The following MSRA variants were observed in gnomAD, a reference collection of about 807,000 sequenced individuals.
MSRA encodes the protein mitochondrial peptide methionine sulfoxide reductase.
In MSRA, 54 loss-of-function variants were observed where a neutral mutation model predicts 31.3. The observed-to-expected ratio is 1.73, with a 90% CI of 1.39 to 2.17. The LOEUF (loss-of-function observed/expected upper bound fraction) is 2.17, where lower values mean the gene tolerates loss of function less well. Among genes scored for constraint, MSRA ranks in the 30% most tolerant of loss-of-function variants. The pLI is 0.00. For synonymous variants in MSRA, 169 were observed against 116.5 expected (o/e 1.45, Z -2.90); for missense variants, 507 against 300.9 (o/e 1.69, Z -5.07).
At chr8:10,145,824 G>A (rs539670105) in intron 1 of MSRA, among the ~76,000 whole-genome samples, 28 of 152,088 alleles carry the variant, frequency 1.8e-4, no homozygotes, top group Middle Eastern at 3.4e-3. Context: ...ACCCGCATCT[G>A]CACGTGTGTG....
chr8:10,281,366 G>T (rs1437913429), intron 3 of MSRA, among the ~76,000 whole-genome samples: 1 of 152,158 alleles, frequency 6.6e-6, no homozygotes, highest in South Asian at 2.1e-4. Context: ...TTATCAAAAA[G>T]GATTGATTTA....
At chr8:10,391,678 C>A (rs1177920839) in intron 5 of MSRA, among the ~76,000 whole-genome samples, 5 of 152,120 alleles carry the variant, frequency 3.3e-5, no homozygotes, top group Admixed American at 3.3e-4. Flanking sequence ...GGCTAGGAGT[C>A]GGTTCTTCTA....
At chr8:10,313,832 A>C (rs1801570096) in intron 4 of MSRA, among the ~76,000 whole-genome samples, 1 of 152,278 alleles carries the variant, frequency 6.6e-6, no homozygotes, top group Non-Finnish European at 1.5e-5. Flanking sequence ...ATGTAGGGAC[A>C]AATGAATAGA....
At chr8:10,404,239 A>G (rs1807651404) in intron 5 of MSRA, among the ~76,000 whole-genome samples, 1 of 152,018 alleles carries the variant, frequency 6.6e-6, no homozygotes, top group Non-Finnish European at 1.5e-5. Flanking sequence ...CACAAATAGC[A>G]AGGCAGGGAC....
chr8:10,371,092 A>T (rs770762434), intron 5 of MSRA, among the ~76,000 whole-genome samples: 36 of 152,194 alleles, frequency 2.4e-4, no homozygotes, highest in Non-Finnish European at 4.9e-4. Flanking sequence ...CCCCTGCCGC[A>T]ATCCCGATGA....
intron 1 of MSRA, among the ~76,000 whole-genome samples, chr8:10,118,535 C>G (rs528215902): frequency 2.7e-4 from 41 of 152,234 alleles, no homozygotes; most frequent in African/African-American, 9.6e-4. Context: ...AGAGTCCAAA[C>G]TCGAGCCTAG....
chr8:10,177,054 C>G (rs1806112531), intron 1 of MSRA, among the ~76,000 whole-genome samples: 1 of 152,318 alleles, frequency 6.6e-6, no homozygotes, highest in South Asian at 2.1e-4. Flanking sequence ...AGAAATGGTT[C>G]TCAAGACTTG....
At chr8:10,258,861 C>T (rs994722515) in intron 3 of MSRA, among the ~76,000 whole-genome samples, 3 of 152,172 alleles carry the variant, frequency 2.0e-5, no homozygotes, top group African/African-American at 7.2e-5. Context: ...AATCCCAGCA[C>T]TTTGGGAGGC....
intron 5 of MSRA, among the ~76,000 whole-genome samples, chr8:10,391,739 G>A (rs979130031): frequency 2.0e-5 from 3 of 152,200 alleles, no homozygotes; most frequent in Admixed American, 6.5e-5. Flanking sequence ...CTGCCCTGCC[G>A]TAGGGTCCAA....
intron 1 of MSRA, among the ~76,000 whole-genome samples, chr8:10,190,912 G>T (rs905748474): frequency 4.2e-4 from 64 of 151,912 alleles, no homozygotes; most frequent in African/African-American, 1.5e-3. Flanking sequence ...AGGGAGACCA[G>T]AGTGTAGTGA....
intron 1 of MSRA, among the ~76,000 whole-genome samples, chr8:10,189,864 C>G (rs992083576): frequency 6.6e-6 from 1 of 152,122 alleles, no homozygotes; most frequent in African/African-American, 2.4e-5. Flanking sequence ...TTCCCCCTTC[C>G]TCTTTTTTCA....
intron 4 of MSRA, among the ~76,000 whole-genome samples, chr8:10,304,923 C>G (rs879668873): frequency 3.3e-5 from 5 of 152,178 alleles, no homozygotes; most frequent in Admixed American, 2.6e-4. Flanking sequence ...TAAAACTACT[C>G]GAGCAATGCT....
At position 10,301,571 on chromosome 8, in the gene MSRA, C is replaced by G. The variant is rs370239799; in HGVS notation, c.369C>G (p.Tyr123Ter). Residue 123 changes from tyrosine to a stop codon, truncating the protein, a stop_gained, in exon 4 of 6, where the codon TAC becomes TAG. Coordinates refer to ENST00000317173, the MANE Select transcript of MSRA (RefSeq NM_012331.5). LOFTEE classifies it high-confidence loss of function. The part of the protein sequence containing the change: ...TGHAEVVRVV[Y>*]QPEHMSFEEL... The stretch of plus-strand genomic sequence containing the variant: ...ATGCAGAAGTCGTCCGAGTGGTGTA[C>G]CAGCCAGAACACATGAGTTTTGAGG... 5 of 1,613,782 alleles carry G rather than the reference C, an allele frequency of 3.1e-6. No individual in the cohort carries two copies. Among genetic ancestry groups the G allele is most frequent in the Admixed American group, 1.7e-5 (1 of 59,972 alleles).
At position 10,295,316 on chromosome 8, in the gene MSRA, C is replaced by G. The variant is rs77090777; in HGVS notation, c.332-6218C>G. On this transcript the variant is annotated intron_variant, in intron 3 of 5. Transcript: ENST00000317173. ...TAAGGAACCTGCTGGGGGACCGTCGCACTGCGCTGCCTCTCTCATTTCCCA... is the reference window on the plus strand; with the variant it reads ...TAAGGAACCTGCTGGGGGACCGTCGGACTGCGCTGCCTCTCTCATTTCCCA... Among the ~76,000 whole-genome samples the G allele has an allele frequency of 3.9e-5, 6 of 152,254 alleles. No homozygotes were observed. The East Asian group carries it at 1.2e-3, about 30-fold the overall frequency.
chr8:10,236,427 A>C (rs1811945598), intron 2 of MSRA, among the ~76,000 whole-genome samples: 1 of 152,224 alleles, frequency 6.6e-6, no homozygotes, highest in African/African-American at 2.4e-5. Flanking sequence ...AGGTATACTA[A>C]AATCAGGGTG....
intron 5 of MSRA, among the ~76,000 whole-genome samples, chr8:10,342,642 G>C (rs1803501182): frequency 6.6e-6 from 1 of 152,218 alleles, no homozygotes. Flanking sequence ...AGCTGGGGCA[G>C]GGTCTTAGGG....
intron 3 of MSRA, among the ~76,000 whole-genome samples, chr8:10,283,076 C>T (rs1454398906): frequency 6.6e-6 from 1 of 151,552 alleles, no homozygotes; most frequent in African/African-American, 2.4e-5. Flanking sequence ...TTCCTAAAAG[C>T]CCAGCCAGTT....
At chr8:10,395,122 C>T (rs893387905) in intron 5 of MSRA, among the ~76,000 whole-genome samples, 3 of 152,160 alleles carry the variant, frequency 2.0e-5, no homozygotes, top group Non-Finnish European at 2.9e-5. Context: ...GGTTTAGGAA[C>T]ACGCAGGAGG....
rs574420940 is a variant in MSRA, at chr8:10,373,847, G to T, written c.543+53858G>T. ...CTGTTGAGCCCCTGGAGGGCTCTGA[G>T]CAGGTGCAGGAGGTGAGAAGTGCGG... On this transcript the variant is annotated intron_variant, in intron 5 of 5. Coordinates refer to ENST00000317173, the MANE Select transcript of MSRA (RefSeq NM_012331.5). 1.1e-4 allele frequency among the ~76,000 whole-genome samples: 17 copies of T among 152,342 alleles called. No homozygotes were observed. In the South Asian group the frequency reaches 1.5e-3, roughly 13 times the overall value.
Sources: allele counts gnomAD v4.1 joint callset (sites outside exome capture counted in the v4.1 genomes callset), GRCh38; gene constraint gnomAD v4.1.1; transcripts MANE v1.5; gene names NCBI Gene and HGNC (gene_info 2026-07-23, HGNC 2026-07-21).